Variants in DOP1B observed in about 807,000 individuals in gnomAD.
The protein encoded by DOP1B is DOP1 leucine zipper like protein B.
In DOP1B, 174 loss-of-function variants were observed where a neutral mutation model predicts 233.5. That is an observed-to-expected ratio of 0.75 (90% CI 0.66 to 0.85). The LOEUF is 0.85. Ranked by LOEUF, DOP1B falls within the 40% of genes least tolerant of loss-of-function variation. The pLI, the probability that DOP1B is intolerant of heterozygous loss-of-function variation, is 0.00. For synonymous variants in DOP1B, 1,190 were observed against 1,185.6 expected (o/e 1.00, Z -0.08); for missense variants, 2,652 against 2,846.6 (o/e 0.93, Z 1.56).
chr21:36,159,504 C>T (rs1190377245), intron 1 of DOP1B, among the ~76,000 whole-genome samples: 1 of 152,194 alleles, frequency 6.6e-6, no homozygotes, highest in East Asian at 1.9e-4. Context: ...TTACCAAGCT[C>T]ACCCAGAAGA....
At chr21:36,178,473 C>T (rs931040308) in intron 2 of DOP1B, among the ~76,000 whole-genome samples, 1 of 152,028 alleles carries the variant, frequency 6.6e-6, no homozygotes, top group Non-Finnish European at 1.5e-5. Context: ...GACAGACTTC[C>T]TCCCACCTCC....
rs552945774 is a variant in DOP1B at position 36,160,071 on chromosome 21, A to G, written c.-27+3128A>G. ...ACTTAGTAGAGTGAACAGACTGTGC[A>G]CCATTGGAGTATTGCGGTGGTTTAG... is the stretch of plus-strand genomic sequence containing the variant. On this transcript the variant is annotated intron_variant, in intron 1 of 36. Transcript: ENST00000691173. Among the ~76,000 whole-genome samples the G allele has an allele frequency of 4.3e-4, 65 of 152,290 alleles. No individual in the cohort carries two copies. The East Asian group carries it at 0.012, about 28-fold the overall frequency.
chr21:36,200,642 G>C (rs940363653), intron 4 of DOP1B, 141 bp downstream of exon 4: 2 of 1,058,118 alleles, frequency 1.9e-6, no homozygotes, highest in African/African-American at 3.3e-5. Flanking sequence ...AGGAGATGGA[G>C]ACCATCCTGG....
At position 36,270,552 on chromosome 21, in the gene DOP1B, CAAAAA is replaced by C. The variant is rs398040600; in HGVS notation, c.5632+417_5632+421del. ...CAGGCGACAAAGCAAGACTCCGTCT[CAAAAA>C]AAAAAAAAAAAAAAAAAAAAAGTAT... On this transcript the variant is annotated intron_variant, in intron 27 of 36. Transcript: ENST00000691173. Among the ~76,000 whole-genome samples, 4 of 36,826 alleles carry C rather than the reference CAAAAA, an allele frequency of 1.1e-4. No homozygotes were observed. In the East Asian group the frequency reaches 4.0e-3, roughly 37 times the overall value. 24.2% of individuals were successfully genotyped at this position (36,826 alleles called of 152,430 possible). A position where few individuals can be genotyped will look rare whatever the true frequency, so the allele number is the denominator to read the frequency against.
chr21:36,274,905 C>T (rs1001186292), intron 27 of DOP1B, among the ~76,000 whole-genome samples: 2 of 152,034 alleles, frequency 1.3e-5, no homozygotes, highest in African/African-American at 2.4e-5. Flanking sequence ...AGTGCAGTGG[C>T]GTGATCTTGG....
chr21:36,280,443 T>C (rs2067402642), intron 31 of DOP1B, 97 bp downstream of exon 31: 2 of 820,332 alleles, frequency 2.4e-6, no homozygotes, highest in Non-Finnish European at 3.9e-6. Context: ...ACTCACACTT[T>C]CATGGTGCTG....
chr21:36,235,816 A>G lies in DOP1B; in HGVS notation c.2623-1446A>G, dbSNP rs114617960. Among the ~76,000 whole-genome samples, 1,229 of 140,380 alleles carry G rather than the reference A, an allele frequency of 8.8e-3. 12 individuals are homozygous for G. The highest frequency in any genetic ancestry group is 0.029 in the African/African-American group (1,163 of 39,478). The allele number at this position is 140,380 out of a possible 152,430, so 92.1% of individuals were successfully genotyped here. Reference sequence around the variant, plus strand: ...CAAAAAAATTTTTTAAACCTTCCGGAAGGGAGTCTCTTGCATATATATTTG... The same window carrying G: ...CAAAAAAATTTTTTAAACCTTCCGGGAGGGAGTCTCTTGCATATATATTTG... On this transcript the variant is annotated intron_variant, in intron 15 of 36. Transcript: ENST00000691173.
At position 36,164,765 on chromosome 21, in the gene DOP1B, A is replaced by G; in HGVS notation, c.32A>G (p.Asp11Gly). The G allele has an allele frequency of 6.2e-7, 1 of 1,609,342 alleles. No homozygotes were observed. Among genetic ancestry groups the G allele is most frequent in the Non-Finnish European group, 8.5e-7 (1 of 1,178,528 alleles). MDPEEQELLNDYRYRSYSSVI... is the reference protein window; with the variant it reads MDPEEQELLNGYRYRSYSSVI... ...CCAGAAGAGCAGGAGCTCTTAAATG[A>G]TTACAGATACAGAAGCTACTCTTCA... Residue 11 changes from aspartate to glycine, a missense_variant, in exon 2 of 37, where the codon GAT (aspartate) becomes GGT (glycine). Asp to Gly is a moderately conservative substitution (Grantham distance 94). Around this residue, in one of 3 missense-constraint regions of DOP1B, gnomAD observed 2,617 missense variants for 2,794.3 expected, o/e 0.94. Coordinates refer to ENST00000691173, the MANE Select transcript of DOP1B (RefSeq NM_001320714.2).
intron 4 of DOP1B, among the ~76,000 whole-genome samples, chr21:36,203,996 A>G (rs566058002): frequency 6.6e-6 from 1 of 152,252 alleles, no homozygotes; most frequent in East Asian, 1.9e-4. Context: ...GGAGAGGTGA[A>G]TGTTTTAAAT....
chr21:36,236,490 C>A (rs1369833008), intron 15 of DOP1B, among the ~76,000 whole-genome samples: 1 of 152,190 alleles, frequency 6.6e-6, no homozygotes, highest in Non-Finnish European at 1.5e-5. Context: ...GAGCTGAACC[C>A]CAGAATGAGT....
chr21:36,164,137 T>G (rs116126135), intron 1 of DOP1B, among the ~76,000 whole-genome samples: 3,616 of 152,178 alleles, frequency 0.024, 68 homozygotes, highest in African/African-American at 0.051. Flanking sequence ...GAACAAGGCA[T>G]GTTGGGTAGA....
intron 4 of DOP1B, among the ~76,000 whole-genome samples, chr21:36,204,632 A>G (rs574406765): frequency 7.0e-6 from 1 of 143,266 alleles, no homozygotes; most frequent in Non-Finnish European, 1.5e-5. Flanking sequence ...TACAGGCATG[A>G]GCCACCCCTT....
intron 2 of DOP1B, chr21:36,169,498 G>T: frequency 8.9e-7 from 1 of 1,121,108 alleles, no homozygotes; most frequent in South Asian, 1.3e-5. Flanking sequence ...TGACCCCTTT[G>T]TAGCCTTTGC....
At chr21:36,160,305 C>T (rs906599351) in intron 1 of DOP1B, among the ~76,000 whole-genome samples, 7 of 151,800 alleles carry the variant, frequency 4.6e-5, no homozygotes, top group South Asian at 2.1e-4. Context: ...ATTGAGTAGG[C>T]GGTCTTATTT....
chr21:36,289,093 T>C lies in DOP1B; in HGVS notation c.6402T>C (p.Asn2134=), dbSNP rs1601486876. 1 of 1,613,728 alleles carries C rather than the reference T, an allele frequency of 6.2e-7. No homozygotes were observed. ...NRTKVSVPDA[N]GPSVGEIPQS... ...CGAAAGTTTCAGTCCCGGATGCAAA[T>C]GGACCCTCAGTGGGGGAGATACCCC... Residue 2134 remains asparagine (N), a synonymous_variant, in exon 35 of 37, where the codon AAT becomes AAC. Coordinates refer to ENST00000691173, the MANE Select transcript of DOP1B (RefSeq NM_001320714.2).
chr21:36,191,027 G>T (rs1238322430), intron 2 of DOP1B, among the ~76,000 whole-genome samples: 1 of 152,158 alleles, frequency 6.6e-6, no homozygotes, highest in African/African-American at 2.4e-5. Flanking sequence ...GACCATGAGG[G>T]CAGGAGCTCT....
intron 2 of DOP1B, chr21:36,168,953 A>C: frequency 2.9e-6 from 2 of 688,678 alleles, no homozygotes; most frequent in Non-Finnish European, 5.3e-6. Flanking sequence ...CACCAGGTGC[A>C]AAACCTGTTC....
Position 36,212,086 on chromosome 21 carries a change from C to A in DOP1B, c.893C>A (p.Ala298Glu). ...ATGTCCCTGAACAGAAGACTGTATG[C>A]ATGGTTACTAGGTACTGAGCAGTAT... is the stretch of plus-strand genomic sequence containing the variant. ...RDMSLNRRLY[A>E]WLLGSDIKGN... is the part of the protein sequence containing the mutation. The change falls in exon 7 of 37, where the codon GCA (alanine) becomes GAA (glutamate). Residue 298 changes from alanine to glutamate, a missense_variant. Physicochemically the swap from Ala to Glu is moderately radical, Grantham distance 107 (BLOSUM62 -1). Transcript: ENST00000691173. 1 of 1,610,316 alleles carries A rather than the reference C, an allele frequency of 6.2e-7. No individual in the cohort carries two copies. The highest frequency in any genetic ancestry group is 8.5e-7 in the Non-Finnish European group (1 of 1,178,746).
rs1219631245 is a variant in DOP1B, at chr21:36,246,158, C to T, written c.4178C>T (p.Ala1393Val). ...VQEFVLLSLS[A>V]SMYTSQKRYG... Reference sequence around the variant, plus strand: ...GAGTTTGTCCTGCTCTCCCTGTCGGCGTCCATGTACACGAGCCAGAAGCGC... The same window carrying T: ...GAGTTTGTCCTGCTCTCCCTGTCGGTGTCCATGTACACGAGCCAGAAGCGC... The change falls in exon 19 of 37, where the codon GCG becomes GTG. Residue 1393 changes from alanine (A) to valine (V), a missense_variant. Physicochemically the swap from Ala to Val is moderately conservative, Grantham distance 64. Coordinates refer to ENST00000691173, the MANE Select transcript of DOP1B (RefSeq NM_001320714.2). The surrounding 1 kb of genome is among the most constrained non-coding windows in gnomAD (Gnocchi z 5.1). 8 of 1,613,618 alleles carry T rather than the reference C, an allele frequency of 5.0e-6. No individual in the cohort carries two copies. Among genetic ancestry groups the T allele is most frequent in the East Asian group, 2.2e-5 (1 of 44,876 alleles).
Sources: allele counts gnomAD v4.1 joint callset (sites outside exome capture counted in the v4.1 genomes callset), GRCh38; gene constraint gnomAD v4.1.1; regional missense constraint gnomAD v4.1.1; non-coding constraint Gnocchi (gnomAD v3.1); transcripts MANE v1.5; gene names NCBI Gene and HGNC (gene_info 2026-07-23, HGNC 2026-07-21).